SVIL: variants seen among roughly 807,000 people sequenced by gnomAD.
The protein encoded by SVIL is archvillin.
In SVIL, 101 loss-of-function variants were observed where a neutral mutation model predicts 240.4. The ratio of observed to expected loss-of-function variants is 0.42; its 90% CI spans 0.36 to 0.50. SVIL has a LOEUF of 0.50. Among genes scored for constraint, SVIL ranks in the 20% least tolerant of loss-of-function variants. The probability of loss-of-function intolerance (pLI) is 0.01; values close to 1 mark genes in which losing one functional copy is unlikely to be tolerated. For synonymous variants in SVIL, 999 were observed against 1,100.0 expected, an observed-to-expected ratio of 0.91 and a Z score of 1.82; for missense variants, 2,512 against 2,818.7, an observed-to-expected ratio of 0.89 and a Z score of 2.46.
chr10:29,493,476 G>T (rs1276959315), intron 20 of SVIL, 85 bp from the exon 21 acceptor site: 52 of 1,442,546 alleles, frequency 3.6e-5, no homozygotes, highest in Non-Finnish European at 4.6e-5. Flanking sequence ...AAATTCTATT[G>T]CCTCCTAAGT....
chr10:29,544,152 T>C (rs529465979), intron 6 of SVIL, among the ~76,000 whole-genome samples: 27 of 152,350 alleles, frequency 1.8e-4, no homozygotes, highest in African/African-American at 6.5e-4. Context: ...TGAAGTCAAA[T>C]GCAGCACAGT....
At chr10:29,626,310 AG>A (rs1442241660) in intron 1 of SVIL, among the ~76,000 whole-genome samples, 4 of 152,202 alleles carry the variant, frequency 2.6e-5, no homozygotes, top group Non-Finnish European at 4.4e-5. Context: ...GTAGGGCTGA[AG>A]ATCAAGAGAA....
intron 13 of SVIL, 84 bp downstream of exon 13, chr10:29,526,877 C>G: frequency 2.6e-6 from 3 of 1,145,594 alleles, no homozygotes; most frequent in Non-Finnish European, 3.6e-6. Context: ...GTCAAACAAA[C>G]GACAGACATT....
chr10:29,632,396 C>G (rs2132952537), intron 1 of SVIL, among the ~76,000 whole-genome samples: 1 of 150,692 alleles, frequency 6.6e-6, no homozygotes, highest in African/African-American at 2.4e-5. Context: ...GAGGCTGAGG[C>G]AGGAGAATCA....
At position 29,458,690 on chromosome 10, in the gene SVIL, G is replaced by C. The variant is rs544012696; in HGVS notation, c.6403-101C>G. Reference sequence around the variant, plus strand: ...CACAGCCCTGTGCCACCTGCATACTGCCTGAGGATGCATAGTTCCATATCA... The same window carrying C: ...CACAGCCCTGTGCCACCTGCATACTCCCTGAGGATGCATAGTTCCATATCA... On this transcript the variant is annotated intron_variant, in intron 36 of 37. Coordinates refer to ENST00000355867, the MANE Select transcript of SVIL (RefSeq NM_021738.3). 87 of 1,223,814 alleles carry C rather than the reference G, an allele frequency of 7.1e-5. No homozygotes were observed. In the African/African-American group the frequency reaches 1.1e-3, roughly 16 times the overall value. The allele number at this position is 1,223,814 out of a possible 1,614,324, so 75.8% of individuals were successfully genotyped here.
intron 1 of SVIL, among the ~76,000 whole-genome samples, chr10:29,599,250 A>G (rs1457090799): frequency 6.6e-6 from 1 of 152,200 alleles, no homozygotes; most frequent in Non-Finnish European, 1.5e-5. Context: ...CACGCAGGAC[A>G]ACACTCAACT....
intron 1 of SVIL, among the ~76,000 whole-genome samples, chr10:29,570,475 G>A (rs1411240781): frequency 1.3e-5 from 2 of 152,196 alleles, no homozygotes; most frequent in Non-Finnish European, 2.9e-5. Flanking sequence ...AACTGAACAT[G>A]CCACACCACT....
At position 29,555,096 on chromosome 10, in the gene SVIL, C is replaced by A; in HGVS notation, c.-38G>T. On this transcript the variant is annotated 5_prime_UTR_variant, in exon 4 of 38. Coordinates refer to ENST00000355867, the MANE Select transcript of SVIL (RefSeq NM_021738.3). ...TTTCTTCTTTGGTTCAAAGATTTGT[C>A]TTAATTCTGCAACTGGAAGAAAACC... 1 of 1,608,604 alleles carries A rather than the reference C, an allele frequency of 6.2e-7. No homozygotes were observed. The highest frequency in any genetic ancestry group is 1.1e-5 in the South Asian group (1 of 90,346).
intron 3 of SVIL, among the ~76,000 whole-genome samples, chr10:29,651,027 C>A (rs984157080): frequency 4.6e-5 from 7 of 152,188 alleles, no homozygotes; most frequent in South Asian, 2.1e-4. Flanking sequence ...CATTAGTAAA[C>A]CCCTTCTTTA....
At chr10:29,610,851 T>C (rs1359693084) in intron 1 of SVIL, among the ~76,000 whole-genome samples, 1 of 152,176 alleles carries the variant, frequency 6.6e-6, no homozygotes, top group Non-Finnish European at 1.5e-5. Context: ...TCATTTCCTG[T>C]AATTCCTGTG....
chr10:29,469,469 G>T (rs1476024942), intron 32 of SVIL, among the ~76,000 whole-genome samples: 2 of 152,174 alleles, frequency 1.3e-5, no homozygotes, highest in Non-Finnish European at 2.9e-5. Flanking sequence ...CCTCACTGAG[G>T]TCCTCACAGG....
At chr10:29,617,578 TA>T (rs11345735) in intron 1 of SVIL, among the ~76,000 whole-genome samples, 80,649 of 139,490 alleles carry the variant, frequency 0.58, 23,264 homozygotes, top group East Asian at 0.68. Context: ...AAAACTAATC[TA>T]AAAAAAAAAA....
intron 6 of SVIL, among the ~76,000 whole-genome samples, chr10:29,544,519 C>A (rs1032393219): frequency 6.6e-6 from 1 of 152,010 alleles, no homozygotes; most frequent in African/African-American, 2.4e-5. Context: ...CTTTGGGAGG[C>A]CAAGACGGGT....
At chr10:29,619,397 AG>A (rs1957543275) in intron 1 of SVIL, among the ~76,000 whole-genome samples, 1 of 152,254 alleles carries the variant, frequency 6.6e-6, no homozygotes, top group Non-Finnish European at 1.5e-5. Flanking sequence ...AAAACTAACC[AG>A]ACGTATGACA....
At chr10:29,629,463 C>T (rs934321867) in intron 1 of SVIL, among the ~76,000 whole-genome samples, 3 of 152,108 alleles carry the variant, frequency 2.0e-5, no homozygotes, top group African/African-American at 2.4e-5. Flanking sequence ...CTGAATCAGA[C>T]GCTGCAGTAA....
At chr10:29,579,967 A>G (rs746790763) in intron 1 of SVIL, among the ~76,000 whole-genome samples, 2 of 152,074 alleles carry the variant, frequency 1.3e-5, no homozygotes, top group Non-Finnish European at 2.9e-5. Flanking sequence ...TGCAGATGAG[A>G]AAACCAGGAT....
At chr10:29,617,729 C>A (rs1957481458) in intron 1 of SVIL, among the ~76,000 whole-genome samples, 1 of 152,124 alleles carries the variant, frequency 6.6e-6, no homozygotes, top group Admixed American at 6.5e-5. Context: ...GGTGGACACT[C>A]CAAAATATAC....
chr10:29,670,781 G>A (rs531057373), intron 2 of SVIL, among the ~76,000 whole-genome samples: 2 of 152,282 alleles, frequency 1.3e-5, no homozygotes, highest in South Asian at 4.1e-4. Flanking sequence ...AGCCAGCAAG[G>A]CTCAGCCTCC....
chr10:29,651,770 G>A (rs1459273547), intron 3 of SVIL, among the ~76,000 whole-genome samples: 2 of 152,028 alleles, frequency 1.3e-5, no homozygotes, highest in Non-Finnish European at 2.9e-5. Context: ...ATATTTAATA[G>A]ACACCTCAAA....
Sources: gnomAD v4.1 joint callset for allele counts (sites outside exome capture counted in the v4.1 genomes callset) on GRCh38, gnomAD v4.1.1 for gene constraint, MANE v1.5 for transcripts, NCBI Gene and HGNC (gene_info 2026-07-23, HGNC 2026-07-21) for gene names.